Variants in FBXO38 observed in about 807,000 individuals in gnomAD.
FBXO38 encodes the protein F-box protein 38, also known as F-box only protein 38.
Under a neutral mutation model 131.9 loss-of-function variants are expected in FBXO38, and 53 were observed. That is an observed-to-expected ratio of 0.40 (90% CI 0.32 to 0.51). FBXO38 has a LOEUF of 0.51. Among genes scored for constraint, FBXO38 ranks in the 20% least tolerant of loss-of-function variants. The pLI is 0.53. For synonymous variants in FBXO38, 452 were observed against 505.6 expected, an observed-to-expected ratio of 0.89 and a Z score of 1.42; for missense variants, 1,076 against 1,475.6, an observed-to-expected ratio of 0.73 and a Z score of 4.44.
At chr5:148,392,573 GCTTTT>G (rs1218552922) in intron 1 of FBXO38, among the ~76,000 whole-genome samples, 31 of 137,022 alleles carry the variant, frequency 2.3e-4, no homozygotes, top group African/African-American at 7.0e-4. Flanking sequence ...TTCTTTTTTT[GCTTTT>G]CTTTGTGTGT....
chr5:148,431,938 A>T (rs1740518245), intron 15 of FBXO38, among the ~76,000 whole-genome samples: 1 of 152,220 alleles, frequency 6.6e-6, no homozygotes, highest in South Asian at 2.1e-4. Context: ...GTAGAATTTC[A>T]CAAAGACTTC....
intron 1 of FBXO38, among the ~76,000 whole-genome samples, chr5:148,391,620 A>G (rs1758198451): frequency 6.6e-6 from 1 of 152,226 alleles, no homozygotes; most frequent in Non-Finnish European, 1.5e-5. Context: ...AGCAAGTGGT[A>G]AGGATTGGAA....
rs1170517028 is a variant in FBXO38 at position 148,442,778 on chromosome 5, A to G, written c.*631A>G. 1 of 152,194 alleles carries G rather than the reference A, an allele frequency of 6.6e-6. No homozygotes were observed. The highest frequency in any genetic ancestry group is 1.5e-5 in the Non-Finnish European group (1 of 68,038). The allele number at this position is 152,194 out of a possible 1,614,324, so 9.4% of individuals were successfully genotyped here. A position where few individuals can be genotyped will look rare whatever the true frequency, so the allele number is the denominator to read the frequency against. The stretch of plus-strand genomic sequence containing the variant: ...AGAGTATTTCTAGTAATTTATTTCC[A>G]CATTGAATTGTGTATATGCTTTATC... On this transcript the variant is annotated 3_prime_UTR_variant, in exon 22 of 22. Transcript: ENST00000340253.
In FBXO38 at chr5:148,417,080, T is replaced by C; in HGVS notation, c.1494T>C (p.Asp498=). ...GCAACCAGAACTCCAACAATGACGA[T>C]AATAATGCCCAGAATAACAATGCCA... ...LVSNQNSNND[D]NNAQNNNANI... is the part of the protein sequence containing the mutation. The change falls in exon 12 of 22, where the codon GAT becomes GAC. Residue 498 remains aspartate (D), a synonymous_variant. Coordinates refer to ENST00000340253, the MANE Select transcript of FBXO38 (RefSeq NM_205836.3). 2 of 1,613,474 alleles carry C rather than the reference T, an allele frequency of 1.2e-6. No homozygotes were observed. Among genetic ancestry groups the C allele is most frequent in the Non-Finnish European group, 1.7e-6 (2 of 1,179,478 alleles).
chr5:148,416,808 C>T (rs1441998218), intron 11 of FBXO38, 186 bp from the exon 12 acceptor site: 3 of 574,770 alleles, frequency 5.2e-6, no homozygotes, highest in Admixed American at 3.0e-5. Context: ...AAGCCAGTAA[C>T]CCTTTATCTA....
chr5:148,435,627 G>A (rs571519599), intron 17 of FBXO38, among the ~76,000 whole-genome samples: 28 of 152,178 alleles, frequency 1.8e-4, no homozygotes, highest in South Asian at 4.2e-4. Context: ...AAAATTAGCC[G>A]GGCATGGTGG....
chr5:148,408,667 G>A (rs1752573054), intron 7 of FBXO38, among the ~76,000 whole-genome samples: 1 of 152,120 alleles, frequency 6.6e-6, no homozygotes, highest in African/African-American at 2.4e-5. Flanking sequence ...AGATAAATCA[G>A]TCATTTCTTT....
rs138334340 is a variant in FBXO38 at position 148,417,824 on chromosome 5, G to C, written c.1618+620G>C. 1.6e-3 allele frequency among the ~76,000 whole-genome samples: 241 copies of C among 152,198 alleles called. 4 individuals carry two copies. The East Asian group carries it at 0.042, about 27-fold the overall frequency. Reference sequence around the variant, plus strand: ...GAGTGAAGTGATGTGAGATTGTTTTGTTACCAAATTTTCCAGTTTCCCAGT... The same window carrying C: ...GAGTGAAGTGATGTGAGATTGTTTTCTTACCAAATTTTCCAGTTTCCCAGT... On this transcript the variant is annotated intron_variant, in intron 12 of 21. Transcript: ENST00000340253.
intron 15 of FBXO38, chr5:148,430,449 G>C (rs1753978741): frequency 6.6e-6 from 1 of 151,984 alleles, no homozygotes; most frequent in South Asian, 2.1e-4. Flanking sequence ...TCCTGCCTTA[G>C]CCTCCCGAGT....
At chr5:148,399,235 C>T (rs1752002221) in intron 3 of FBXO38, 103 bp downstream of exon 3, 1 of 1,345,962 alleles carries the variant, frequency 7.4e-7, no homozygotes, top group Non-Finnish European at 1.0e-6. Context: ...CAATCTAAGT[C>T]ACCTTGTAGG....
intron 17 of FBXO38, among the ~76,000 whole-genome samples, chr5:148,437,302 T>A (rs1282846026): frequency 1.3e-5 from 2 of 152,218 alleles, no homozygotes; most frequent in Non-Finnish European, 2.9e-5. Context: ...TCATGTCGGA[T>A]TTTATAGCTA....
intron 1 of FBXO38, among the ~76,000 whole-genome samples, chr5:148,393,419 C>A (rs576274545): frequency 2.6e-5 from 4 of 152,052 alleles, no homozygotes; most frequent in African/African-American, 9.6e-5. Context: ...CTTAAAGTAC[C>A]CTCTGCCCAC....
intron 1 of FBXO38, among the ~76,000 whole-genome samples, chr5:148,386,759 T>A (rs1757935706): frequency 6.6e-6 from 1 of 152,198 alleles, no homozygotes; most frequent in Non-Finnish European, 1.5e-5. Context: ...GCAGGTTTGG[T>A]TCCAGACTAC....
chr5:148,415,762 A>G (rs909764951), intron 10 of FBXO38, among the ~76,000 whole-genome samples, 166 bp from the exon 11 acceptor site: 4 of 152,320 alleles, frequency 2.6e-5, no homozygotes, highest in Non-Finnish European at 5.9e-5. Flanking sequence ...GGAATTAGGT[A>G]TGTAAACATC....
intron 2 of FBXO38, among the ~76,000 whole-genome samples, chr5:148,396,566 A>T (rs1459644093): frequency 6.6e-6 from 1 of 152,204 alleles, no homozygotes; most frequent in African/African-American, 2.4e-5. Context: ...TTAAGAACAC[A>T]TAGGTAAAAT....
Position 148,427,491 on chromosome 5 carries a change from A to G in FBXO38, c.2197A>G (p.Ser733Gly), listed in dbSNP as rs753791976. 3 of 1,614,212 alleles carry G rather than the reference A, an allele frequency of 1.9e-6. No individual in the cohort carries two copies. The highest frequency in any genetic ancestry group is 2.5e-6 in the Non-Finnish European group (3 of 1,180,040). Residue 733 changes from serine (S) to glycine (G), a missense_variant, in exon 15 of 22, where the codon AGC becomes GGC. Physicochemically the swap from Ser to Gly is moderately conservative, Grantham distance 56 (BLOSUM62 0). Around this residue, in one of 8 missense-constraint regions of FBXO38, gnomAD observed 213 missense variants for 225.2 expected, o/e 0.95. Coordinates refer to ENST00000340253, the MANE Select transcript of FBXO38 (RefSeq NM_205836.3). Reference protein sequence around the residue: ...QSPDFVRTVNSGGSSEPSPTE... With the variant: ...QSPDFVRTVNGGGSSEPSPTE... Reference sequence around the variant, plus strand: ...CCCCGACTTTGTAAGGACGGTGAACAGCGGCGGCTCTTCCGAGCCTAGCCC... The same window carrying G: ...CCCCGACTTTGTAAGGACGGTGAACGGCGGCGGCTCTTCCGAGCCTAGCCC...
chr5:148,403,201 A>G (rs1177286522), intron 5 of FBXO38, among the ~76,000 whole-genome samples: 2 of 152,148 alleles, frequency 1.3e-5, no homozygotes, highest in Admixed American at 6.6e-5. Flanking sequence ...ACTTATTTCC[A>G]TATCTTTATA....
At chr5:148,432,539 C>T (rs1042985356) in intron 15 of FBXO38, among the ~76,000 whole-genome samples, 3 of 152,092 alleles carry the variant, frequency 2.0e-5, no homozygotes, top group Non-Finnish European at 4.4e-5. Flanking sequence ...ACAGGGAGAA[C>T]AATAAATCCA....
intron 9 of FBXO38, among the ~76,000 whole-genome samples, chr5:148,412,949 A>C (rs1752845036): frequency 2.0e-5 from 3 of 152,108 alleles, no homozygotes; most frequent in African/African-American, 7.2e-5. Flanking sequence ...CCAAGAGTAG[A>C]AACATGGTGT....
Sources: allele counts gnomAD v4.1 joint callset (sites outside exome capture counted in the v4.1 genomes callset), GRCh38; gene constraint gnomAD v4.1.1; regional missense constraint gnomAD v4.1.1; transcripts MANE v1.5; gene names NCBI Gene and HGNC (gene_info 2026-07-23, HGNC 2026-07-21).